ZNF790: variants seen among roughly 807,000 people sequenced by gnomAD.
The protein encoded by ZNF790 is zinc finger protein 790.
Under a neutral mutation model 12.1 loss-of-function variants are expected in ZNF790, and 8 were observed. That is an observed-to-expected ratio of 0.66 (90% CI 0.39 to 1.19). ZNF790 has a LOEUF of 1.19. Ranked by LOEUF, ZNF790 falls within the 50% of genes most tolerant of loss-of-function variation. The probability of loss-of-function intolerance (pLI) is 0.01; values close to 1 mark genes in which losing one functional copy is unlikely to be tolerated. For missense variants in ZNF790, 707 were observed against 752.2 expected (o/e 0.94, Z 0.70); for synonymous variants, 252 against 244.3 (o/e 1.03, Z -0.29).
intron 1 of ZNF790, chr19:36,837,904 C>G (rs2072078046): frequency 6.6e-6 from 1 of 152,378 alleles, no homozygotes; most frequent in Admixed American, 6.5e-5. Flanking sequence ...AAAACTGCTC[C>G]CCACACATTC....
At chr19:36,842,561 A>G (rs1242337653), upstream of ZNF790, among the ~76,000 whole-genome samples, 1 of 152,160 alleles carries the variant, frequency 6.6e-6, no homozygotes, top group Non-Finnish European at 1.5e-5. Context: ...AACAAAGTTA[A>G]TAATATAGTC....
intron 1 of ZNF790, among the ~76,000 whole-genome samples, chr19:36,829,491 T>C (rs1300133267): frequency 6.6e-6 from 1 of 152,254 alleles, no homozygotes; most frequent in Non-Finnish European, 1.5e-5. Flanking sequence ...CTGAATAATA[T>C]CTCTGCAAAT....
chr19:36,823,230 G>T, intron 4 of ZNF790, 55 bp downstream of exon 4: 2 of 1,482,634 alleles, frequency 1.3e-6, no homozygotes, highest in African/African-American at 1.4e-5. Flanking sequence ...TCACTGTGCA[G>T]CTGAGCTGTT....
Position 36,819,845 on chromosome 19 carries a change from C to T in ZNF790, c.499G>A (p.Asp167Asn). The T allele has an allele frequency of 6.2e-7, 1 of 1,614,012 alleles. No individual in the cohort carries two copies. Among genetic ancestry groups the T allele is most frequent in the Non-Finnish European group, 8.5e-7 (1 of 1,179,930 alleles). The change falls in exon 5 of 5, where the codon GAC becomes AAC. Residue 167 changes from aspartate (D) to asparagine (N), a missense_variant. Transcript: ENST00000356725. ...AGTTCTTTAAATTCATTCAGTTTGT[C>T]TCCTGTATTAAGTCTCTGGTGTAGA... The part of the protein sequence containing the change: ...FNLHQRLNTG[D>N]KLNEFKELGK...
intron 1 of ZNF790, among the ~76,000 whole-genome samples, chr19:36,844,008 AAAAAAAAAAAAAAATT>A (rs1223219522): frequency 2.9e-4 from 21 of 72,578 alleles, no homozygotes; most frequent in Admixed American, 2.3e-3. Context: ...ACTCCATCTC[AAAAAAAAAAAAAAATT>A]AAAAAAAAAA....
chr19:36,836,972 G>T (rs901946870), intron 1 of ZNF790, among the ~76,000 whole-genome samples: 1 of 152,078 alleles, frequency 6.6e-6, no homozygotes, highest in African/African-American at 2.4e-5. Context: ...TGTTCTCCGG[G>T]TCTCTGAGTC....
chr19:36,834,734 C>G (rs2072009383), intron 1 of ZNF790, among the ~76,000 whole-genome samples: 1 of 152,100 alleles, frequency 6.6e-6, no homozygotes, highest in South Asian at 2.1e-4. Flanking sequence ...TACATGTAAA[C>G]ACAAAATGAC....
chr19:36,845,894 T>C (rs1013843453), intron 1 of ZNF790, among the ~76,000 whole-genome samples: 2 of 151,876 alleles, frequency 1.3e-5, no homozygotes, highest in African/African-American at 4.8e-5. Flanking sequence ...CTGCAACCTC[T>C]GCCTCCCGGG....
intron 1 of ZNF790, among the ~76,000 whole-genome samples, chr19:36,849,059 C>T (rs2072212229): frequency 2.0e-5 from 3 of 152,120 alleles, no homozygotes; most frequent in Admixed American, 6.5e-5. Flanking sequence ...TCCCAAAGTG[C>T]TGGGATTACA....
In ZNF790 at chr19:36,820,085, A is replaced by G. The variant is rs959969981; in HGVS notation, c.259T>C (p.Leu87=). Residue 87 remains leucine (L), a synonymous_variant, in exon 5 of 5, where the codon TTA becomes CTA. Transcript: ENST00000356725. ...DMQSRCQTKK[L]LPKNGIFERE... is the part of the protein sequence containing the mutation. ...TCAAAAATGCCATTTTTTGGTAATAACTTCTTGGTCTGACACCTCGACTGC... is the reference window on the plus strand; with the variant it reads ...TCAAAAATGCCATTTTTTGGTAATAGCTTCTTGGTCTGACACCTCGACTGC... The G allele has an allele frequency of 1.9e-6, 3 of 1,606,758 alleles. No individual in the cohort carries two copies. Among genetic ancestry groups the G allele is most frequent in the African/African-American group, 2.7e-5 (2 of 74,898 alleles).
intron 1 of ZNF790, among the ~76,000 whole-genome samples, chr19:36,834,913 A>G (rs1377161254): frequency 6.6e-6 from 1 of 152,258 alleles, no homozygotes; most frequent in Non-Finnish European, 1.5e-5. Context: ...CCTGCAATTC[A>G]TAATAAACAT....
At chr19:36,848,425 G>A (rs557050381) in intron 1 of ZNF790, among the ~76,000 whole-genome samples, 7 of 152,222 alleles carry the variant, frequency 4.6e-5, no homozygotes, top group South Asian at 2.1e-4. Context: ...CCCCACAGGC[G>A]TTTTCTTTTT....
chr19:36,832,344 C>T (rs774373232), intron 1 of ZNF790, among the ~76,000 whole-genome samples: 2 of 152,178 alleles, frequency 1.3e-5, no homozygotes, highest in African/African-American at 2.4e-5. Context: ...GTAGCTGCCT[C>T]CTATACTGAA....
At chr19:36,849,088 C>T (rs2072212920) in intron 1 of ZNF790, among the ~76,000 whole-genome samples, 1 of 151,810 alleles carries the variant, frequency 6.6e-6, no homozygotes, top group Non-Finnish European at 1.5e-5. Flanking sequence ...CCACCGCACT[C>T]ATGCTTGGTT....
In ZNF790 at chr19:36,820,214, A is replaced by G. The variant is rs186425291; in HGVS notation, c.230-100T>C. ...AAAATCTTGAAGTAAAGCATATGAG[A>G]AGTGAATGGCTTAGAAAATTCTCAA... On this transcript the variant is annotated intron_variant, in intron 4 of 4. Coordinates refer to ENST00000356725, the MANE Select transcript of ZNF790 (RefSeq NM_206894.4). 4,535 of 1,283,380 alleles carry G rather than the reference A, an allele frequency of 3.5e-3. 18 individuals are homozygous for G. Among genetic ancestry groups the G allele is most frequent in the Middle Eastern group, 0.012 (49 of 3,982 alleles). The allele number at this position is 1,283,380 out of a possible 1,614,324, so 79.5% of individuals were successfully genotyped here. A position where few individuals can be genotyped will look rare whatever the true frequency, so the allele number is the denominator to read the frequency against.
intron 3 of ZNF790, 31 bp from the exon 4 acceptor site, chr19:36,823,411 C>T (rs1228294507): frequency 6.3e-7 from 1 of 1,597,314 alleles, no homozygotes; most frequent in Non-Finnish European, 8.6e-7. Flanking sequence ...AGCAAAGAAC[C>T]ACATTGTAAA....
At position 36,818,597 on chromosome 19, in the gene ZNF790, G is replaced by C. The variant is rs139531302; in HGVS notation, c.1747C>G (p.His583Asp). ...HHSYFTEQKI[H>D]NSANLCEWTD... is the part of the protein sequence containing the mutation. ...CATTCACAGAGATTTGCACTATTATGAATTTTTTGTTCAGTAAAATATGAA... is the reference window on the plus strand; with the variant it reads ...CATTCACAGAGATTTGCACTATTATCAATTTTTTGTTCAGTAAAATATGAA... The change falls in exon 5 of 5, where the codon CAT (histidine) becomes GAT (aspartate). Residue 583 changes from histidine (H) to aspartate (D), a missense_variant. Physicochemically the swap from His to Asp is moderately conservative, Grantham distance 81. Coordinates refer to ENST00000356725, the MANE Select transcript of ZNF790 (RefSeq NM_206894.4). The C allele has an allele frequency of 1.9e-5, 30 of 1,611,180 alleles. No individual in the cohort carries two copies. Among genetic ancestry groups the C allele is most frequent in the Non-Finnish European group, 2.5e-5 (30 of 1,177,832 alleles).
At chr19:36,838,899 G>A (rs1332395163), upstream of ZNF790, among the ~76,000 whole-genome samples, 2 of 152,146 alleles carry the variant, frequency 1.3e-5, no homozygotes, top group Middle Eastern at 3.2e-3. This position sits in a 1 kb window ranked among gnomAD's most constrained non-coding sequence, Gnocchi z 4.4. Flanking sequence ...GCCTCGGCCC[G>A]GCTGGGTGGA....
upstream of ZNF790, among the ~76,000 whole-genome samples, chr19:36,842,727 T>C (rs976932882): frequency 3.9e-4 from 59 of 151,060 alleles, no homozygotes; most frequent in African/African-American, 1.4e-3. Context: ...CATGAGGGGC[T>C]GGGCGCGGTG....
Sources: allele counts gnomAD v4.1 joint callset (sites outside exome capture counted in the v4.1 genomes callset), GRCh38; gene constraint gnomAD v4.1.1; non-coding constraint Gnocchi (gnomAD v3.1); transcripts MANE v1.5; gene names NCBI Gene and HGNC (gene_info 2026-07-23, HGNC 2026-07-21).